CTNNA3: variants seen among roughly 807,000 people sequenced by gnomAD.
CTNNA3 encodes catenin alpha 3, also known as catenin alpha-3.
A neutral mutation model predicts 95.7 loss-of-function variants in CTNNA3; 76 were observed. The observed-to-expected ratio is 0.79, with a 90% confidence interval of 0.66 to 0.96. CTNNA3 has a LOEUF of 0.96. Among genes scored for constraint, CTNNA3 ranks in the 40% least tolerant of loss-of-function variants. CTNNA3 has a pLI of 0.00. For missense variants in CTNNA3, 1,191 were observed against 1,089.8 expected (o/e 1.09, Z -1.31); for synonymous variants, 431 against 374.4 (o/e 1.15, Z -1.74).
intron 15 of CTNNA3, among the ~76,000 whole-genome samples, chr10:66,048,464 C>A (rs2133525753): frequency 6.6e-6 from 1 of 152,202 alleles, no homozygotes; most frequent in East Asian, 1.9e-4. Flanking sequence ...ATACCACATA[C>A]AAAAATCAAC....
chr10:67,054,311 C>T (rs1855292303), intron 7 of CTNNA3, among the ~76,000 whole-genome samples: 1 of 152,044 alleles, frequency 6.6e-6, no homozygotes, highest in Non-Finnish European at 1.5e-5. Context: ...AATAAAAGTA[C>T]TGAAATGTAA....
chr10:65,971,425 C>A (rs1589195374), intron 16 of CTNNA3, among the ~76,000 whole-genome samples: 1 of 142,708 alleles, frequency 7.0e-6, no homozygotes. Flanking sequence ...AGACTGCTAG[C>A]TAGATTAACA....
At chr10:66,058,017 CAT>C (rs2080120051) in intron 15 of CTNNA3, among the ~76,000 whole-genome samples, 1 of 152,214 alleles carries the variant, frequency 6.6e-6, no homozygotes, top group Non-Finnish European at 1.5e-5. Flanking sequence ...ATGGGGAAAA[CAT>C]AAAACTTACC....
chr10:66,130,165 C>T (rs1171852243), intron 13 of CTNNA3, among the ~76,000 whole-genome samples: 1 of 152,168 alleles, frequency 6.6e-6, no homozygotes, highest in Non-Finnish European at 1.5e-5. Context: ...TAGTCCTGCA[C>T]CCACCACAAA....
intron 7 of CTNNA3, among the ~76,000 whole-genome samples, chr10:67,021,001 A>C (rs1310424070): frequency 6.6e-6 from 1 of 152,212 alleles, no homozygotes; most frequent in Non-Finnish European, 1.5e-5. Context: ...CTGAGATACC[A>C]ACTGAAGAGT....
intron 14 of CTNNA3, 39 bp downstream of exon 14, chr10:66,103,118 A>T (rs773649571): frequency 6.6e-7 from 1 of 1,526,450 alleles, no homozygotes. Flanking sequence ...GCCTTCAGTG[A>T]CACAGTACAT....
At chr10:66,360,063 A>G (rs559042153) in intron 12 of CTNNA3, among the ~76,000 whole-genome samples, 52 of 152,026 alleles carry the variant, frequency 3.4e-4, no homozygotes, top group Admixed American at 5.9e-4. Flanking sequence ...TCCTGACCTC[A>G]TGATCCACCC....
intron 13 of CTNNA3, among the ~76,000 whole-genome samples, chr10:66,173,436 T>C (rs1349113083): frequency 6.6e-6 from 1 of 152,018 alleles, no homozygotes; most frequent in African/African-American, 2.4e-5. Context: ...ATTGAGTTTT[T>C]CAGTTTGGGA....
At chr10:67,063,235 TAATAACTC>T (rs1855865596) in intron 7 of CTNNA3, among the ~76,000 whole-genome samples, 1 of 152,198 alleles carries the variant, frequency 6.6e-6, no homozygotes. Flanking sequence ...AAGTGCTTTA[TAATAACTC>T]TGATGCAAGA....
chr10:67,168,532 C>A (rs1272588020), intron 7 of CTNNA3, among the ~76,000 whole-genome samples: 1 of 152,106 alleles, frequency 6.6e-6, no homozygotes, highest in East Asian at 1.9e-4. Flanking sequence ...AAGACAAAAA[C>A]CACTATTATC....
At chr10:66,735,128 T>C (rs2132677400) in intron 9 of CTNNA3, among the ~76,000 whole-genome samples, 1 of 151,928 alleles carries the variant, frequency 6.6e-6, no homozygotes, top group East Asian at 1.9e-4. Flanking sequence ...AAATGCTTTC[T>C]TGATTCACCT....
At chr10:66,832,794 C>A (rs7907221) in intron 7 of CTNNA3, among the ~76,000 whole-genome samples, 42,422 of 151,932 alleles carry the variant, frequency 0.28, 6,845 homozygotes, top group Non-Finnish European at 0.38. Context: ...AAGGTGACAC[C>A]GTGAGACATT....
chr10:66,176,017 A>T (rs924225974), intron 13 of CTNNA3, among the ~76,000 whole-genome samples: 2 of 152,172 alleles, frequency 1.3e-5, no homozygotes, highest in Admixed American at 1.3e-4. Flanking sequence ...GAGATTAATC[A>T]TAAAATGTGA....
intron 15 of CTNNA3, among the ~76,000 whole-genome samples, chr10:66,055,301 CTGCTT>C (rs1314109841): frequency 6.6e-6 from 1 of 152,102 alleles, no homozygotes; most frequent in African/African-American, 2.4e-5. Flanking sequence ...AATTTGTAGA[CTGCTT>C]TGGGTAGTAT....
At chr10:66,792,861 A>G (rs1332263804) in intron 7 of CTNNA3, among the ~76,000 whole-genome samples, 1 of 152,150 alleles carries the variant, frequency 6.6e-6, no homozygotes, top group African/African-American at 2.4e-5. Flanking sequence ...AAGCCACTCT[A>G]TTTAGGTAAT....
chr10:67,684,866 A>C (rs1840700094), intron 1 of CTNNA3, among the ~76,000 whole-genome samples: 3 of 152,222 alleles, frequency 2.0e-5, no homozygotes, highest in African/African-American at 7.2e-5. Context: ...CATGTTGCCC[A>C]ACTCCAGAGG....
At chr10:66,023,380 T>C (rs1243719599) in intron 15 of CTNNA3, among the ~76,000 whole-genome samples, 1 of 140,500 alleles carries the variant, frequency 7.1e-6, no homozygotes, top group Non-Finnish European at 1.5e-5. Context: ...ACATACCTCA[T>C]GAGTTTTAAG....
chr10:66,644,823 C>A (rs1398877450), intron 9 of CTNNA3, among the ~76,000 whole-genome samples: 4 of 152,024 alleles, frequency 2.6e-5, no homozygotes, highest in Non-Finnish European at 5.9e-5. Context: ...GGATTCACCA[C>A]CGCAGTCAAG....
In CTNNA3 at chr10:67,390,011, G is replaced by C. The variant is rs563471684; in HGVS notation, c.579+131831C>G. Reference sequence around the variant, plus strand: ...ACAATTAAAAGAACTAGAAAAGCAAGAGCAAACACACTCAAAAGCTAGCAG... The same window carrying C: ...ACAATTAAAAGAACTAGAAAAGCAACAGCAAACACACTCAAAAGCTAGCAG... On this transcript the variant is annotated intron_variant, in intron 5 of 17. Transcript: ENST00000433211. Among the ~76,000 whole-genome samples the C allele has an allele frequency of 7.9e-3, 1,206 of 151,744 alleles. 25 individuals carry two copies. The highest frequency in any genetic ancestry group is 0.028 in the African/African-American group (1,138 of 41,356).
Sources: gnomAD v4.1 joint callset for allele counts (sites outside exome capture counted in the v4.1 genomes callset) on GRCh38, gnomAD v4.1.1 for gene constraint, MANE v1.5 for transcripts, NCBI Gene and HGNC (gene_info 2026-07-23, HGNC 2026-07-21) for gene names.